Variants in NRDC observed in about 807,000 individuals in gnomAD.
NRDC encodes the protein nardilysin convertase.
A neutral mutation model predicts 147.1 loss-of-function variants in NRDC; 54 were observed. The observed-to-expected ratio is 0.37, with a 90% CI of 0.29 to 0.46. The LOEUF (loss-of-function observed/expected upper bound fraction) is 0.46, where lower values mean the gene tolerates loss of function less well. Ranked by LOEUF, NRDC falls within the 20% of genes least tolerant of loss-of-function variation. The probability of loss-of-function intolerance (pLI) is 1.00; values close to 1 mark genes in which losing one functional copy is unlikely to be tolerated. For missense variants in NRDC, 1,082 were observed against 1,370.6 expected (o/e 0.79, Z 3.33); for synonymous variants, 440 against 482.1 (o/e 0.91, Z 1.14).
chr1:51,877,832 G>GT (rs1193541122), intron 1 of NRDC, among the ~76,000 whole-genome samples: 3 of 152,092 alleles, frequency 2.0e-5, no homozygotes, highest in African/African-American at 7.2e-5. Flanking sequence ...CCATCCTCTG[G>GT]TAACTTTCGT....
Position 51,878,351 on chromosome 1 carries a change from C to A in NRDC, c.265G>T (p.Glu89Ter). Residue 89 changes from glutamate to a stop codon, truncating the protein, a stop_gained, in exon 1 of 31, where the codon GAG becomes TAG. Transcript: ENST00000352171. LOFTEE classifies it high-confidence loss of function. ...ARLGADESEEEGRRGSLSNAG... is the reference protein window; with the variant it reads ...ARLGADESEE The stretch of plus-strand genomic sequence containing the variant: ...TTACTGAGAGACCCCCTCCGTCCCT[C>A]TTCCTCAGATTCATCCGCTCCTAGA... 6.2e-7 allele frequency: 1 copy of A among 1,614,212 alleles called. No homozygotes were observed. The highest frequency in any genetic ancestry group is 8.5e-7 in the Non-Finnish European group (1 of 1,180,044).
intron 20 of NRDC, chr1:51,801,395 G>T (rs1019205388): frequency 1.3e-5 from 2 of 152,052 alleles, no homozygotes; most frequent in Non-Finnish European, 2.9e-5. Context: ...TCAAACTCAA[G>T]TATTTCTCCT....
chr1:51,827,865 C>A lies in NRDC; in HGVS notation c.871G>T (p.Ala291Ser). Residue 291 changes from alanine (A) to serine (S), a missense_variant, in exon 5 of 31, where the codon GCG (alanine) becomes TCG (serine). Coordinates refer to ENST00000352171, the MANE Select transcript of NRDC (RefSeq NM_001101662.2). ...ATTAGTGGGTGGATGAAGAACTGCG[C>A]CCATCTGAACAAAAAACAAAACTGG... The part of the protein sequence containing the change: ...KYFKEALDRW[A>S]QFFIHPLMIR... 4.3e-6 allele frequency: 7 copies of A among 1,613,502 alleles called. No individual in the cohort carries two copies. The highest frequency in any genetic ancestry group is 5.9e-6 in the Non-Finnish European group (7 of 1,179,640).
Position 51,796,591 on chromosome 1 carries a change from C to CT in NRDC, c.2604+1657dup, listed in dbSNP as rs10716980. The stretch of plus-strand genomic sequence containing the variant: ...AATAATATAAAGTTTATAATCTCAA[C>CT]TTTTTTTTTTTTTAGACGAGGAGTC... On this transcript the variant is annotated intron_variant, in intron 22 of 30. Transcript: ENST00000352171. Among the ~76,000 whole-genome samples the CT allele has an allele frequency of 9.5e-3, 1,355 of 143,226 alleles. 22 individuals carry two copies. The highest frequency in any genetic ancestry group is 0.033 in the African/African-American group (1,275 of 39,222). The allele number at this position is 143,226 out of a possible 152,430, so 94.0% of individuals were successfully genotyped here.
At chr1:51,801,062 C>A in intron 20 of NRDC, 1 of 156,586 alleles carries the variant, frequency 6.4e-6, no homozygotes, top group South Asian at 2.0e-4. Flanking sequence ...AGGCTGGTCT[C>A]AAACTCGTGG....
At chr1:51,795,277 GTTTTC>G in intron 22 of NRDC, 4 of 1,146,862 alleles carry the variant, frequency 3.5e-6, no homozygotes, top group Non-Finnish European at 4.6e-6. Flanking sequence ...TAAGAATTCT[GTTTTC>G]TTATCTATAA....
intron 15 of NRDC, 116 bp downstream of exon 15, chr1:51,811,878 A>G (rs973111914): frequency 6.7e-6 from 4 of 594,402 alleles, no homozygotes; most frequent in Non-Finnish European, 1.2e-5. Flanking sequence ...ACAAACAAAA[A>G]TCCTGACTAA....
At chr1:51,807,511 A>T (rs1020404006) in intron 17 of NRDC, among the ~76,000 whole-genome samples, 1 of 152,164 alleles carries the variant, frequency 6.6e-6, no homozygotes, top group Non-Finnish European at 1.5e-5. Flanking sequence ...GTTTGAGACC[A>T]GCCTGGGCAA....
At chr1:51,851,179 T>A (rs898322529) in intron 1 of NRDC, among the ~76,000 whole-genome samples, 1 of 152,062 alleles carries the variant, frequency 6.6e-6, no homozygotes, top group South Asian at 2.1e-4. Flanking sequence ...TGAGAAGATG[T>A]CTTTTGGTAA....
intron 4 of NRDC, among the ~76,000 whole-genome samples, chr1:51,828,221 C>A (rs1680532070): frequency 6.6e-6 from 1 of 152,196 alleles, no homozygotes; most frequent in Admixed American, 6.5e-5. Flanking sequence ...GCAGTAATTT[C>A]TCTCCTTTTC....
intron 1 of NRDC, among the ~76,000 whole-genome samples, chr1:51,845,864 C>A (rs2149228561): frequency 6.6e-6 from 1 of 151,790 alleles, no homozygotes; most frequent in South Asian, 2.1e-4. Flanking sequence ...ATTGAATAAA[C>A]AAAAGAATGT....
chr1:51,846,539 G>A lies in NRDC; in HGVS notation c.342-6025C>T, dbSNP rs985694013. ...GTGAGTGTTACAGTTCTTAAAAGCG[G>A]CTTGTTTGGAGTTTGTTCTTTCCAA... On this transcript the variant is annotated intron_variant, in intron 1 of 30. Transcript: ENST00000352171. Among the ~76,000 whole-genome samples the A allele has an allele frequency of 9.8e-5, 15 of 152,366 alleles. 1 individual carries two copies. The highest frequency in any genetic ancestry group is 4.2e-4 in the South Asian group (2 of 4,818).
At position 51,825,214 on chromosome 1, in the gene NRDC, T is replaced by G; in HGVS notation, c.1036+73A>C. ...GGGACTCTAGCTTTATAATTTTCAATTCTTTATCAACTTTTCTTATTCTAA... is the reference window on the plus strand; with the variant it reads ...GGGACTCTAGCTTTATAATTTTCAAGTCTTTATCAACTTTTCTTATTCTAA... On this transcript the variant is annotated intron_variant, in intron 6 of 30. Transcript: ENST00000352171. 4 of 1,041,204 alleles carry G rather than the reference T, an allele frequency of 3.8e-6. No individual in the cohort carries two copies. In the South Asian group the frequency reaches 5.6e-5, roughly 15 times the overall value. 64.5% of individuals were successfully genotyped at this position (1,041,204 alleles called of 1,614,324 possible). A position where few individuals can be genotyped will look rare whatever the true frequency, so the allele number is the denominator to read the frequency against.
chr1:51,863,210 T>C (rs1022310365), intron 1 of NRDC, among the ~76,000 whole-genome samples: 1 of 151,962 alleles, frequency 6.6e-6, no homozygotes, highest in Admixed American at 6.6e-5. Context: ...AAGACCAGCC[T>C]AGACAACACA....
intron 27 of NRDC, 74 bp from the exon 28 acceptor site, chr1:51,791,064 C>T: frequency 9.3e-7 from 1 of 1,072,254 alleles, no homozygotes; most frequent in Non-Finnish European, 1.4e-6. Flanking sequence ...CGATCTCAGG[C>T]AGAAGGCAAA....
At chr1:51,846,424 A>C (rs1472075349) in intron 1 of NRDC, among the ~76,000 whole-genome samples, 1 of 152,150 alleles carries the variant, frequency 6.6e-6, no homozygotes, top group Non-Finnish European at 1.5e-5. Flanking sequence ...GACACTTTAT[A>C]ATTCTTAAAA....
At chr1:51,834,251 A>G in intron 3 of NRDC, 81 bp from the exon 4 acceptor site, 1 of 1,401,106 alleles carries the variant, frequency 7.1e-7, no homozygotes, top group East Asian at 2.3e-5. Context: ...TTATATGCAT[A>G]GAAAAACTGA....
chr1:51,848,565 G>A (rs1407198243), intron 1 of NRDC, among the ~76,000 whole-genome samples: 1 of 151,908 alleles, frequency 6.6e-6, no homozygotes, highest in Non-Finnish European at 1.5e-5. Flanking sequence ...TAGAACAAGA[G>A]AATTACCAAA....
At chr1:51,852,994 C>T (rs1450445446) in intron 1 of NRDC, among the ~76,000 whole-genome samples, 3 of 152,022 alleles carry the variant, frequency 2.0e-5, no homozygotes, top group South Asian at 2.1e-4. Flanking sequence ...GAGGCCGAGG[C>T]GGGTAGATCA....
Sources: gnomAD v4.1 joint callset for allele counts (sites outside exome capture counted in the v4.1 genomes callset) on GRCh38, gnomAD v4.1.1 for gene constraint, MANE v1.5 for transcripts, NCBI Gene and HGNC (gene_info 2026-07-23, HGNC 2026-07-21) for gene names.